Variants in FHOD3 observed in about 807,000 individuals in gnomAD.
FHOD3 encodes the protein FH1/FH2 domain-containing protein 3.
A neutral mutation model predicts 173.0 loss-of-function variants in FHOD3; 90 were observed. The ratio of observed to expected loss-of-function variants is 0.52; its 90% CI spans 0.44 to 0.62. The LOEUF is 0.62. Ranked by LOEUF, FHOD3 falls within the 20% of genes least tolerant of loss-of-function variation. The pLI, the probability that FHOD3 is intolerant of heterozygous loss-of-function variation, is 0.00. For missense variants in FHOD3, 1,945 were observed against 2,034.7 expected (o/e 0.96, Z 0.85); for synonymous variants, 828 against 823.0 (o/e 1.01, Z -0.10).
chr18:36,349,375 A>G (rs2046012436), intron 1 of FHOD3, among the ~76,000 whole-genome samples: 1 of 152,170 alleles, frequency 6.6e-6, no homozygotes, highest in Admixed American at 6.5e-5. Context: ...CTACCTCTAG[A>G]GGGAATTTGC....
At chr18:36,614,485 A>G (rs2033004008) in intron 9 of FHOD3, among the ~76,000 whole-genome samples, 1 of 152,216 alleles carries the variant, frequency 6.6e-6, no homozygotes, top group African/African-American at 2.4e-5. Context: ...GTTTGTGTAC[A>G]TACGTTTTCA....
chr18:36,636,651 C>T (rs914879924), intron 10 of FHOD3, among the ~76,000 whole-genome samples: 1 of 148,882 alleles, frequency 6.7e-6, no homozygotes, highest in African/African-American at 2.5e-5. Context: ...AATTTCATTC[C>T]TGAGGTTTTT....
chr18:36,486,614 A>G (rs950045408), intron 3 of FHOD3, among the ~76,000 whole-genome samples: 24 of 152,364 alleles, frequency 1.6e-4, no homozygotes, highest in Middle Eastern at 3.4e-3. Context: ...TAAGGTCAAT[A>G]TTTAAGAGTT....
intron 3 of FHOD3, among the ~76,000 whole-genome samples, chr18:36,404,491 G>C (rs1297487894): frequency 6.6e-6 from 1 of 152,216 alleles, no homozygotes; most frequent in Non-Finnish European, 1.5e-5. Flanking sequence ...TTGTAGAATA[G>C]TATGCATGCA....
At chr18:36,357,862 T>C (rs2046435850) in intron 2 of FHOD3, among the ~76,000 whole-genome samples, 1 of 152,172 alleles carries the variant, frequency 6.6e-6, no homozygotes, top group Non-Finnish European at 1.5e-5. Context: ...TCCTCGTTTT[T>C]GTTTTCTTCT....
chr18:36,309,885 C>A (rs2092209151), intron 1 of FHOD3, among the ~76,000 whole-genome samples: 1 of 152,220 alleles, frequency 6.6e-6, no homozygotes, highest in African/African-American at 2.4e-5. Context: ...ATAGGTTAGC[C>A]TGGCTGATCC....
chr18:36,381,932 CTG>C lies in FHOD3; in HGVS notation c.337+9190_337+9191del, dbSNP rs1468420005. ...TTAAAAAACTGTGGCAGTGAGTAGA[CTG>C]TCATTTTCAGGAGCATGTCAAGGAA... On this transcript the variant is annotated intron_variant, in intron 3 of 28. Transcript: ENST00000590592. Among the ~76,000 whole-genome samples, 4 of 152,284 alleles carry C rather than the reference CTG, an allele frequency of 2.6e-5. No individual in the cohort carries two copies. In the East Asian group the frequency reaches 7.7e-4, roughly 29 times the overall value.
Position 36,514,011 on chromosome 18 carries a change from A to ATTATTTTTTTTTTTT in FHOD3, c.511+1470_511+1471insATTTTTTTTTTTTTT, listed in dbSNP as rs1555735785. Among the ~76,000 whole-genome samples, 2 of 65,638 alleles carry ATTATTTTTTTTTTTT rather than the reference A, an allele frequency of 3.0e-5. 1 individual carries two copies. The highest frequency in any genetic ancestry group is 9.9e-4 in the East Asian group (2 of 2,024). The allele number at this position is 65,638 out of a possible 152,430, so 43.1% of individuals were successfully genotyped here. On this transcript the variant is annotated intron_variant, in intron 5 of 28. Coordinates refer to ENST00000590592, the MANE Select transcript of FHOD3 (RefSeq NM_001281740.3). ...TTTATTGCTGAATTTTGCTATTTCT[A>ATTATTTTTTTTTTTT]TTCTTTTTTTTTTTTGAGATGGAGT...
At chr18:36,391,719 C>T (rs774379712) in intron 3 of FHOD3, among the ~76,000 whole-genome samples, 3 of 152,118 alleles carry the variant, frequency 2.0e-5, no homozygotes, top group Non-Finnish European at 4.4e-5. Flanking sequence ...CATGGTTGGT[C>T]ATCGTGTGCA....
intron 17 of FHOD3, among the ~76,000 whole-genome samples, chr18:36,699,406 G>A (rs951054116): frequency 5.3e-5 from 8 of 152,218 alleles, no homozygotes; most frequent in Non-Finnish European, 1.2e-4. Flanking sequence ...TGTTGGCTGG[G>A]TGAGACATCT....
At chr18:36,678,524 C>CAAAAAAAAAAAAAAAAA (rs58064190) in intron 14 of FHOD3, among the ~76,000 whole-genome samples, 2 of 71,150 alleles carry the variant, frequency 2.8e-5, no homozygotes, top group Admixed American at 1.8e-4. Context: ...GACCCTGTCT[C>CAAAAAAAAAAAAAAAAA]AAAAAAAAAA....
chr18:36,769,486 A>C (rs1311658565), intron 28 of FHOD3, 60 bp downstream of exon 28: 23 of 1,559,702 alleles, frequency 1.5e-5, no homozygotes, highest in Non-Finnish European at 1.9e-5. Context: ...CTCCCATTCT[A>C]CGTGAACTGG....
rs370852733 is a variant in FHOD3, at chr18:36,718,096, A to G, written c.2798A>G (p.Asn933Ser). 2.2e-4 allele frequency: 349 copies of G among 1,599,938 alleles called. 1 individual carries two copies. The highest frequency in any genetic ancestry group is 9.1e-4 in the South Asian group (80 of 88,222). ...AGGGTGGATGTCGGCTGTTTGGACA[A>G]TCGGGGCAGTGTGAAAGCATTTGCT... is the stretch of plus-strand genomic sequence containing the variant. ...VRRVDVGCLD[N>S]RGSVKAFAEK... Residue 933 changes from asparagine to serine, a missense_variant, in exon 19 of 29, where the codon AAT (asparagine) becomes AGT (serine). Transcript: ENST00000590592.
At chr18:36,516,337 A>T (rs1011799632) in intron 5 of FHOD3, among the ~76,000 whole-genome samples, 20 of 152,286 alleles carry the variant, frequency 1.3e-4, no homozygotes, top group Admixed American at 8.5e-4. Flanking sequence ...ATGCAGGGCC[A>T]CTCAGGAAGC....
At chr18:36,615,007 C>T (rs142161705) in intron 9 of FHOD3, among the ~76,000 whole-genome samples, 266 of 152,134 alleles carry the variant, frequency 1.7e-3, no homozygotes, top group African/African-American at 6.0e-3. Context: ...TGTGCCACCA[C>T]GCCCAGCTAA....
intron 3 of FHOD3, among the ~76,000 whole-genome samples, chr18:36,455,358 A>C (rs2052121205): frequency 6.6e-6 from 1 of 152,152 alleles, no homozygotes; most frequent in Admixed American, 6.5e-5. Context: ...AAAATAGTTA[A>C]ATGTGTTAGG....
At chr18:36,706,031 A>T (rs767500922) in intron 17 of FHOD3, among the ~76,000 whole-genome samples, 3 of 151,696 alleles carry the variant, frequency 2.0e-5, no homozygotes, top group Non-Finnish European at 4.4e-5. Flanking sequence ...CTGCTGAAAG[A>T]TAATGGGAAA....
rs538364167 is a variant in FHOD3 at position 36,577,984 on chromosome 18, C to G, written c.606+1439C>G. Among the ~76,000 whole-genome samples the G allele has an allele frequency of 8.8e-3, 1,344 of 152,246 alleles. 21 individuals carry two copies. Among genetic ancestry groups the G allele is most frequent in the African/African-American group, 0.031 (1,299 of 41,524 alleles). Reference sequence around the variant, plus strand: ...GTGCACATGCACCAAGGTTAAAGTGCTGTACGGGTGGCACGTTATGGAGAT... The same window carrying G: ...GTGCACATGCACCAAGGTTAAAGTGGTGTACGGGTGGCACGTTATGGAGAT... On this transcript the variant is annotated intron_variant, in intron 6 of 28. Transcript: ENST00000590592.
At chr18:36,375,379 G>A (rs11665019) in intron 3 of FHOD3, among the ~76,000 whole-genome samples, 5 of 152,136 alleles carry the variant, frequency 3.3e-5, no homozygotes, top group Non-Finnish European at 5.9e-5. Context: ...TCTCAGCCTC[G>A]CACCACATGC....
Sources: gnomAD v4.1 joint callset for allele counts (sites outside exome capture counted in the v4.1 genomes callset) on GRCh38, gnomAD v4.1.1 for gene constraint, MANE v1.5 for transcripts, NCBI Gene and HGNC (gene_info 2026-07-23, HGNC 2026-07-21) for gene names.